The following SNX1 variants were observed in gnomAD, a reference collection of about 807,000 sequenced individuals.
SNX1 encodes the protein sorting nexin-1.
In SNX1, 36 loss-of-function variants were observed where a neutral mutation model predicts 71.8. The observed-to-expected ratio is 0.50, with a 90% CI of 0.38 to 0.66. The LOEUF (loss-of-function observed/expected upper bound fraction) is 0.66, where lower values mean the gene tolerates loss of function less well. Among genes scored for constraint, SNX1 ranks in the 30% least tolerant of loss-of-function variants. The pLI is 0.00. For missense variants in SNX1, 612 were observed against 646.7 expected, an observed-to-expected ratio of 0.95 and a Z score of 0.58; for synonymous variants, 254 against 240.7, an observed-to-expected ratio of 1.06 and a Z score of -0.51.
chr15:64,137,370 A>C (rs1205373944), intron 14 of SNX1, among the ~76,000 whole-genome samples, 198 bp from the exon 15 acceptor site: 1 of 152,180 alleles, frequency 6.6e-6, no homozygotes, highest in African/African-American at 2.4e-5. Flanking sequence ...CTGCCCTTGC[A>C]CTTGGGGCTC....
At position 64,110,137 on chromosome 15, in the gene SNX1, A is replaced by C. The variant is rs149533239; in HGVS notation, c.160-2436A>C. On this transcript the variant is annotated intron_variant, in intron 1 of 14. Transcript: ENST00000559844. ...GGATTTTTGTACGCTTTTTAATGAC[A>C]TGAGAAAATGCTCAGGCAGTAGAGG... Among the ~76,000 whole-genome samples, 70 of 152,338 alleles carry C rather than the reference A, an allele frequency of 4.6e-4. No individual in the cohort carries two copies. In the East Asian group the frequency reaches 0.012, roughly 25 times the overall value.
chr15:64,131,626 C>A, intron 10 of SNX1, 61 bp from the exon 11 acceptor site: 2 of 1,536,168 alleles, frequency 1.3e-6, no homozygotes, highest in Non-Finnish European at 1.8e-6. Context: ...GCAGTGTCAG[C>A]TGATTTGTCC....
chr15:64,125,200 C>T (rs139959408), intron 5 of SNX1, among the ~76,000 whole-genome samples: 42 of 152,282 alleles, frequency 2.8e-4, no homozygotes, highest in Middle Eastern at 3.4e-3. Context: ...CAGTGGCTCA[C>T]GCCTGTAATC....
intron 3 of SNX1, 46 bp from the exon 4 acceptor site, chr15:64,118,742 T>A: frequency 7.2e-7 from 1 of 1,388,584 alleles, no homozygotes; most frequent in Non-Finnish European, 1.0e-6. Flanking sequence ...AATTGATAGC[T>A]TTTTTTTTCA....
At chr15:64,101,741 T>C (rs1461811398) in intron 1 of SNX1, among the ~76,000 whole-genome samples, 2 of 152,220 alleles carry the variant, frequency 1.3e-5, no homozygotes, top group African/African-American at 2.4e-5. Context: ...TAAAACCTGT[T>C]TAATTTTGAA....
At chr15:64,117,779 G>A (rs912022828) in intron 2 of SNX1, among the ~76,000 whole-genome samples, 2 of 152,106 alleles carry the variant, frequency 1.3e-5, no homozygotes, top group African/African-American at 4.8e-5. Flanking sequence ...GTGACAGAGT[G>A]ACACTCTGTC....
chr15:64,115,475 GA>G, intron 2 of SNX1: 2 of 351,742 alleles, frequency 5.7e-6, no homozygotes, highest in South Asian at 4.3e-5. Flanking sequence ...CTCTTAACAG[GA>G]GTTCAAAGAG....
At chr15:64,136,583 A>G (rs754048403) in intron 13 of SNX1, among the ~76,000 whole-genome samples, 173 bp downstream of exon 13, 1 of 152,032 alleles carries the variant, frequency 6.6e-6, no homozygotes, top group Non-Finnish European at 1.5e-5. Context: ...AACAGTGGCA[A>G]TCTTACACTT....
chr15:64,127,881 A>G (rs185727462), intron 8 of SNX1, 75 bp downstream of exon 8: 146 of 1,070,542 alleles, frequency 1.4e-4, no homozygotes, highest in Non-Finnish European at 1.7e-4. Context: ...CATTCCAAAA[A>G]TATGTGAGCA....
Position 64,137,963 on chromosome 15 carries a change from T to C in SNX1, c.*345T>C, listed in dbSNP as rs1596011509. 1 of 1,437,992 alleles carries C rather than the reference T, an allele frequency of 7.0e-7. No homozygotes were observed. 89.1% of individuals were successfully genotyped at this position (1,437,992 alleles called of 1,614,324 possible). A position where few individuals can be genotyped will look rare whatever the true frequency, so the allele number is the denominator to read the frequency against. ...GAATAACGTTTTCTGTTACTCCTGATGGTGCCATGAAAAGGTTATGTAATA... is the reference window on the plus strand; with the variant it reads ...GAATAACGTTTTCTGTTACTCCTGACGGTGCCATGAAAAGGTTATGTAATA... On this transcript the variant is annotated 3_prime_UTR_variant, in exon 15 of 15. Coordinates refer to ENST00000559844, the MANE Select transcript of SNX1 (RefSeq NM_003099.5).
Position 64,144,190 on chromosome 15 carries a change from A to G in SNX1, c.*6572A>G, listed in dbSNP as rs1265929389. On this transcript the variant is annotated 3_prime_UTR_variant, in exon 15 of 15. Coordinates refer to ENST00000559844, the MANE Select transcript of SNX1 (RefSeq NM_003099.5). The surrounding 1 kb of genome is among the most constrained non-coding windows in gnomAD (Gnocchi z 4.3). ...TTAAAATTTGTATGTATTATCGTTA[A>G]AATAAGAAAAATCAAATAAAGCTAT... 6.7e-6 allele frequency: 1 copy of G among 150,270 alleles called. No individual in the cohort carries two copies. Among genetic ancestry groups the G allele is most frequent in the Non-Finnish European group, 1.5e-5 (1 of 67,662 alleles). The allele number at this position is 150,270 out of a possible 1,614,324, so 9.3% of individuals were successfully genotyped here.
chr15:64,136,213 G>A (rs2081357850), intron 12 of SNX1, 117 bp from the exon 13 acceptor site: 1 of 784,696 alleles, frequency 1.3e-6, no homozygotes, highest in African/African-American at 1.7e-5. Flanking sequence ...TTACCCACAG[G>A]GACAGACAGA....
At chr15:64,105,218 C>A (rs866428428) in intron 1 of SNX1, among the ~76,000 whole-genome samples, 172 of 141,734 alleles carry the variant, frequency 1.2e-3, no homozygotes, top group South Asian at 1.7e-3. Context: ...GACTCTGTCT[C>A]AAAAAAAAAA....
chr15:64,099,028 A>AC (rs1333758714), intron 1 of SNX1, among the ~76,000 whole-genome samples: 3 of 152,226 alleles, frequency 2.0e-5, no homozygotes, highest in African/African-American at 4.8e-5. Flanking sequence ...CTGTCTTGTT[A>AC]AACAGCCATA....
intron 2 of SNX1, among the ~76,000 whole-genome samples, chr15:64,116,156 AG>A (rs1267565442): frequency 2.0e-5 from 3 of 152,242 alleles, no homozygotes; most frequent in African/African-American, 7.2e-5. Flanking sequence ...CTTACAATAA[AG>A]TAAGCTAGAG....
At chr15:64,120,399 A>G (rs542917029) in intron 4 of SNX1, among the ~76,000 whole-genome samples, 1 of 150,594 alleles carries the variant, frequency 6.6e-6, no homozygotes, top group African/African-American at 2.4e-5. Flanking sequence ...CAGCCTCCTG[A>G]GTAGCTGGGA....
Position 64,138,320 on chromosome 15 carries a change from TCTCTC to T in SNX1, c.*703_*707del. 1 of 756,166 alleles carries T rather than the reference TCTCTC, an allele frequency of 1.3e-6. No individual in the cohort carries two copies. Among genetic ancestry groups the T allele is most frequent in the African/African-American group, 2.2e-5 (1 of 45,280 alleles). The allele number at this position is 756,166 out of a possible 1,614,324, so 46.8% of individuals were successfully genotyped here. Reference sequence around the variant, plus strand: ...CTGCAAAGGAGGCAGAGACTTTCTCTCTCTCTTTTTTTTTTTTTTTTGGTGTCCCT... The same window carrying T: ...CTGCAAAGGAGGCAGAGACTTTCTCTTTTTTTTTTTTTTTTTGGTGTCCCT... On this transcript the variant is annotated 3_prime_UTR_variant, in exon 15 of 15. Coordinates refer to ENST00000559844, the MANE Select transcript of SNX1 (RefSeq NM_003099.5).
At position 64,105,106 on chromosome 15, in the gene SNX1, G is replaced by C. The variant is rs1028458059; in HGVS notation, c.160-7467G>C. Reference sequence around the variant, plus strand: ...AAAAATTAGCCAGGCGTGGTGGTGCGTGCCTGTAATCCCAGCTACTCAGGA... The same window carrying C: ...AAAAATTAGCCAGGCGTGGTGGTGCCTGCCTGTAATCCCAGCTACTCAGGA... On this transcript the variant is annotated intron_variant, in intron 1 of 14. Transcript: ENST00000559844. Among the ~76,000 whole-genome samples the C allele has an allele frequency of 3.3e-5, 5 of 150,772 alleles. No individual in the cohort carries two copies. The South Asian group carries it at 8.4e-4, about 25-fold the overall frequency.
intron 4 of SNX1, among the ~76,000 whole-genome samples, chr15:64,122,860 A>G (rs2081209662): frequency 6.6e-6 from 1 of 152,128 alleles, no homozygotes; most frequent in Non-Finnish European, 1.5e-5. Context: ...AAATTATTTA[A>G]CAGTCAAAGA....
Sources: gnomAD v4.1 joint callset for allele counts (sites outside exome capture counted in the v4.1 genomes callset) on GRCh38, gnomAD v4.1.1 for gene constraint, Gnocchi (gnomAD v3.1) non-coding constraint, MANE v1.5 for transcripts, NCBI Gene and HGNC (gene_info 2026-07-23, HGNC 2026-07-21) for gene names.